TRPM7: variants seen among roughly 807,000 people sequenced by gnomAD.
TRPM7 encodes the protein LTRPC ion channel family member 7.
TRPM7 carries 134 observed loss-of-function variants against 229.7 expected under a neutral mutation model. The observed-to-expected ratio is 0.58, with a 90% CI of 0.51 to 0.67. The LOEUF is 0.67. Ranked by LOEUF, TRPM7 falls within the 30% of genes least tolerant of loss-of-function variation. The pLI is 0.00. For synonymous variants in TRPM7, 699 were observed against 715.2 expected (o/e 0.98, Z 0.36); for missense variants, 1,901 against 2,210.0 (o/e 0.86, Z 2.80).
At chr15:50,568,259 T>A (rs2053706721) in intron 38 of TRPM7, among the ~76,000 whole-genome samples, 1 of 151,758 alleles carries the variant, frequency 6.6e-6, no homozygotes, top group Non-Finnish European at 1.5e-5. Flanking sequence ...GCAAATTATG[T>A]TTACTCTCAC....
chr15:50,654,552 TC>T lies in TRPM7; in HGVS notation c.122+3228del, dbSNP rs200437171. ...AATGTTGGAATCAGTAGACAAAGAC[TC>T]TAATGCAGGTATTATAAATATGCTG... On this transcript the variant is annotated intron_variant, in intron 3 of 38. Coordinates refer to ENST00000646667, the MANE Select transcript of TRPM7 (RefSeq NM_017672.6). 8.1e-3 allele frequency among the ~76,000 whole-genome samples: 1,220 copies of T among 151,438 alleles called. 27 individuals carry two copies. Among genetic ancestry groups the T allele is most frequent in the African/African-American group, 0.028 (1,168 of 41,456 alleles).
At chr15:50,637,614 G>C (rs1401917747) in intron 6 of TRPM7, 21 bp from the exon 7 acceptor site, 1 of 1,601,486 alleles carries the variant, frequency 6.2e-7, no homozygotes, top group South Asian at 1.1e-5. Context: ...GCAAACAAAA[G>C]AGTTAGTGAG....
At chr15:50,606,023 TA>T (rs1369182754) in intron 20 of TRPM7, among the ~76,000 whole-genome samples, 1 of 152,218 alleles carries the variant, frequency 6.6e-6, no homozygotes, top group Non-Finnish European at 1.5e-5. Flanking sequence ...CAATTTCTTG[TA>T]TTCTCTAAAT....
chr15:50,656,190 C>A (rs1454814887), intron 3 of TRPM7, among the ~76,000 whole-genome samples: 1 of 152,118 alleles, frequency 6.6e-6, no homozygotes, highest in Non-Finnish European at 1.5e-5. Flanking sequence ...AACTCTTTGG[C>A]ATCGTCAAAC....
intron 25 of TRPM7, 74 bp downstream of exon 25, chr15:50,593,543 G>C (rs1031968957): frequency 7.0e-7 from 1 of 1,430,684 alleles, no homozygotes; most frequent in Non-Finnish European, 9.6e-7. Flanking sequence ...ATTTAACAAT[G>C]ACCATGTATA....
chr15:50,574,248 C>A (rs370429114), intron 36 of TRPM7, 26 bp downstream of exon 36: 2 of 1,575,774 alleles, frequency 1.3e-6, no homozygotes, highest in Non-Finnish European at 8.7e-7. Context: ...CAGAATTTCA[C>A]CTTAGCAATA....
intron 1 of TRPM7, among the ~76,000 whole-genome samples, chr15:50,673,978 T>C (rs1468805475): frequency 6.6e-6 from 1 of 152,062 alleles, no homozygotes; most frequent in Admixed American, 6.6e-5. Flanking sequence ...GGTGGTATTA[T>C]TGCATTCTGG....
rs2060492844 is a variant in TRPM7, at chr15:50,624,050, T to G, written c.1440+116A>C. 18 of 1,075,648 alleles carry G rather than the reference T, an allele frequency of 1.7e-5. No homozygotes were observed. The South Asian group carries it at 3.5e-4, about 21-fold the overall frequency. 66.6% of individuals were successfully genotyped at this position (1,075,648 alleles called of 1,614,324 possible). A position where few individuals can be genotyped will look rare whatever the true frequency, so the allele number is the denominator to read the frequency against. On this transcript the variant is annotated intron_variant, in intron 12 of 38. Coordinates refer to ENST00000646667, the MANE Select transcript of TRPM7 (RefSeq NM_017672.6). ...CATACTAAGACTGGCTATAATTTTT[T>G]CATATAACTAAGGAAGACATTAAGG...
intron 22 of TRPM7, among the ~76,000 whole-genome samples, chr15:50,598,432 A>G (rs2059688172): frequency 6.6e-6 from 1 of 152,244 alleles, no homozygotes; most frequent in Non-Finnish European, 1.5e-5. Context: ...TGTACTCACA[A>G]GCTGCAACAA....
At chr15:50,653,543 C>T (rs578033535) in intron 3 of TRPM7, among the ~76,000 whole-genome samples, 5 of 152,166 alleles carry the variant, frequency 3.3e-5, no homozygotes, top group Admixed American at 1.3e-4. Flanking sequence ...AGAAGAAACA[C>T]GAAGCTGTGA....
At chr15:50,624,394 G>C in intron 11 of TRPM7, 94 bp from the exon 12 acceptor site, 1 of 1,104,210 alleles carries the variant, frequency 9.1e-7, no homozygotes. Flanking sequence ...CATTTAATTT[G>C]TTCCCAACAG....
At chr15:50,679,530 A>ATGTG (rs1437316049) in intron 1 of TRPM7, among the ~76,000 whole-genome samples, 25 of 44,828 alleles carry the variant, frequency 5.6e-4, no homozygotes, top group Non-Finnish European at 9.8e-4. Context: ...ATATATATAT[A>ATGTG]TATATATATT....
intron 13 of TRPM7, among the ~76,000 whole-genome samples, 175 bp downstream of exon 13, chr15:50,619,570 T>C (rs1015797572): frequency 1.3e-5 from 2 of 152,098 alleles, no homozygotes; most frequent in African/African-American, 4.8e-5. Context: ...TTCTGATACA[T>C]TATGCTCTTT....
chr15:50,599,826 A>T (rs1215106202), intron 21 of TRPM7, among the ~76,000 whole-genome samples: 1 of 152,204 alleles, frequency 6.6e-6, no homozygotes, highest in Non-Finnish European at 1.5e-5. Flanking sequence ...GCCAAACAAA[A>T]CAATCTGAAT....
chr15:50,625,042 T>C (rs997544388), intron 11 of TRPM7, among the ~76,000 whole-genome samples: 1 of 152,220 alleles, frequency 6.6e-6, no homozygotes, highest in African/African-American at 2.4e-5. Flanking sequence ...GTCCTTTATA[T>C]ATTAAAGCCT....
chr15:50,683,135 G>A (rs73397461), intron 1 of TRPM7, among the ~76,000 whole-genome samples: 2,990 of 151,164 alleles, frequency 0.02, 118 homozygotes, highest in African/African-American at 0.07. Context: ...GGATCCACCC[G>A]CCTCAGTCTC....
At chr15:50,653,077 G>A (rs972665931) in intron 3 of TRPM7, among the ~76,000 whole-genome samples, 2 of 152,122 alleles carry the variant, frequency 1.3e-5, no homozygotes, top group Non-Finnish European at 2.9e-5. Context: ...CCTGAGCCCG[G>A]GAGGTCAAGT....
chr15:50,673,752 T>C (rs1236892440), intron 1 of TRPM7, among the ~76,000 whole-genome samples: 1 of 152,160 alleles, frequency 6.6e-6, no homozygotes, highest in African/African-American at 2.4e-5. Flanking sequence ...TACGCAAGTA[T>C]CTTTTTCTTA....
intron 2 of TRPM7, among the ~76,000 whole-genome samples, chr15:50,661,434 G>GCTT (rs1305500006): frequency 1.3e-5 from 2 of 152,106 alleles, no homozygotes; most frequent in Non-Finnish European, 2.9e-5. Flanking sequence ...TTAATGTATT[G>GCTT]AAACTCTACG....
Sources: allele counts gnomAD v4.1 joint callset (sites outside exome capture counted in the v4.1 genomes callset), GRCh38; gene constraint gnomAD v4.1.1; transcripts MANE v1.5; gene names NCBI Gene and HGNC (gene_info 2026-07-23, HGNC 2026-07-21).